The following RPTOR variants were observed in gnomAD, a reference collection of about 807,000 sequenced individuals.
RPTOR encodes regulatory-associated protein of mTOR.
In RPTOR, 21 loss-of-function variants were observed where a neutral mutation model predicts 169.9. The ratio of observed to expected loss-of-function variants is 0.12; its 90% CI spans 0.09 to 0.18. The LOEUF (loss-of-function observed/expected upper bound fraction) is 0.18. Among genes scored for constraint, RPTOR ranks in the 10% least tolerant of loss-of-function variants. The probability of loss-of-function intolerance (pLI) is 1.00; values close to 1 mark genes in which losing one functional copy is unlikely to be tolerated. For synonymous variants in RPTOR, 732 were observed against 753.2 expected (o/e 0.97, Z 0.46); for missense variants, 1,133 against 1,855.9 (o/e 0.61, Z 7.16).
At chr17:80,890,945 C>T (rs2068314961) in intron 17 of RPTOR, among the ~76,000 whole-genome samples, 1 of 151,860 alleles carries the variant, frequency 6.6e-6, no homozygotes, top group Non-Finnish European at 1.5e-5. Flanking sequence ...GGTCCTCTCA[C>T]AGCGCTTGGC....
intron 24 of RPTOR, among the ~76,000 whole-genome samples, chr17:80,938,335 G>C (rs1306583056): frequency 6.6e-6 from 1 of 152,180 alleles, no homozygotes; most frequent in Non-Finnish European, 1.5e-5. Context: ...CAAGGAGCTG[G>C]AATTCCCATC....
chr17:80,710,622 C>T (rs2066181707), intron 4 of RPTOR, among the ~76,000 whole-genome samples: 2 of 145,414 alleles, frequency 1.4e-5, no homozygotes, highest in South Asian at 4.3e-4. Flanking sequence ...TTAAAGTGGT[C>T]ACAGTACTTT....
At chr17:80,854,621 T>C (rs1313601088) in intron 11 of RPTOR, among the ~76,000 whole-genome samples, 2 of 152,236 alleles carry the variant, frequency 1.3e-5, no homozygotes, top group Non-Finnish European at 2.9e-5. Context: ...TGGCCAGGCA[T>C]GATGGCCCAC....
At chr17:80,607,599 TTATA>T (rs34087784) in intron 1 of RPTOR, among the ~76,000 whole-genome samples, 104,575 of 147,002 alleles carry the variant, frequency 0.71, 37,554 homozygotes, top group African/African-American at 0.76. Context: ...TATATGCCAT[TTATA>T]TATATATATA....
chr17:80,554,791 A>C (rs917081941), intron 1 of RPTOR, among the ~76,000 whole-genome samples: 1 of 151,948 alleles, frequency 6.6e-6, no homozygotes, highest in Admixed American at 6.6e-5. Context: ...CAACAAAAAA[A>C]ATGAGAATCC....
intron 5 of RPTOR, among the ~76,000 whole-genome samples, chr17:80,738,038 C>T (rs1025077320): frequency 3.3e-5 from 5 of 152,160 alleles, no homozygotes; most frequent in African/African-American, 9.7e-5. Context: ...CAGGGCTGGC[C>T]CTTGGAGTGG....
intron 6 of RPTOR, among the ~76,000 whole-genome samples, chr17:80,775,158 G>A (rs1366989564): frequency 6.6e-6 from 1 of 152,212 alleles, no homozygotes; most frequent in Non-Finnish European, 1.5e-5. Flanking sequence ...TGGAGAAGAT[G>A]GGAAAGCCTT....
intron 1 of RPTOR, among the ~76,000 whole-genome samples, chr17:80,600,914 A>G (rs1474526242): frequency 1.3e-5 from 1 of 77,380 alleles, no homozygotes; most frequent in East Asian, 3.6e-4. Context: ...TGACCGCAGC[A>G]GCGTCTCCCG....
At chr17:80,573,725 A>T (rs1008729546) in intron 1 of RPTOR, among the ~76,000 whole-genome samples, 1 of 152,142 alleles carries the variant, frequency 6.6e-6, no homozygotes, top group Admixed American at 6.6e-5. Flanking sequence ...GGATGCAGTT[A>T]TGTAAGGGGT....
rs1428864874 is a variant in RPTOR at position 80,645,366 on chromosome 17, C to A, written c.348+1556C>A. ...TTGTACCTTTGCGTTTTACTAGATA[C>A]CTTTGTTTAAAAAAGAATGTAACCC... On this transcript the variant is annotated intron_variant, in intron 3 of 33. Transcript: ENST00000306801. Among the ~76,000 whole-genome samples the A allele has an allele frequency of 2.0e-5, 3 of 152,144 alleles. 1 individual carries two copies. Among genetic ancestry groups the A allele is most frequent in the Admixed American group, 6.6e-5 (1 of 15,266 alleles).
intron 9 of RPTOR, among the ~76,000 whole-genome samples, chr17:80,832,937 A>G (rs1409031061): frequency 6.6e-6 from 1 of 152,226 alleles, no homozygotes; most frequent in Non-Finnish European, 1.5e-5. Flanking sequence ...ACATGAAGTC[A>G]TCTGCATTTA....
chr17:80,713,437 C>T (rs2066213231), intron 4 of RPTOR, among the ~76,000 whole-genome samples: 1 of 152,128 alleles, frequency 6.6e-6, no homozygotes, highest in South Asian at 2.1e-4. Flanking sequence ...TGGATGTTCG[C>T]TTTTTGACGA....
chr17:80,943,067 T>C (rs749023360), intron 25 of RPTOR, among the ~76,000 whole-genome samples: 2 of 152,234 alleles, frequency 1.3e-5, no homozygotes, highest in Non-Finnish European at 2.9e-5. Flanking sequence ...GGGTGTTTGC[T>C]GGGGACTGAC....
At chr17:80,764,269 G>A (rs572175104) in intron 6 of RPTOR, among the ~76,000 whole-genome samples, 16 of 148,864 alleles carry the variant, frequency 1.1e-4, no homozygotes, top group African/African-American at 2.7e-4. Context: ...CCATTAACTC[G>A]TCATTTAGCA....
intron 1 of RPTOR, among the ~76,000 whole-genome samples, chr17:80,592,485 T>C (rs2065114615): frequency 6.6e-6 from 1 of 152,084 alleles, no homozygotes. Context: ...TCTGGATTTG[T>C]GTGCATCTGG....
intron 7 of RPTOR, chr17:80,805,633 G>A (rs935164239): frequency 3.3e-5 from 5 of 152,248 alleles, no homozygotes; most frequent in Middle Eastern, 3.4e-3. Flanking sequence ...AAATAAACAT[G>A]GGCTCAGATG....
At chr17:80,672,738 C>T (rs1009304781) in intron 3 of RPTOR, among the ~76,000 whole-genome samples, 5 of 151,806 alleles carry the variant, frequency 3.3e-5, no homozygotes, top group African/African-American at 9.7e-5. Context: ...TTCAGTGAGC[C>T]GAGATCGCGT....
intron 20 of RPTOR, among the ~76,000 whole-genome samples, chr17:80,901,342 C>G (rs1189828296): frequency 6.6e-6 from 1 of 152,110 alleles, no homozygotes; most frequent in African/African-American, 2.4e-5. Flanking sequence ...GCTGGACTCC[C>G]CATTCCACCA....
intron 7 of RPTOR, among the ~76,000 whole-genome samples, chr17:80,809,553 G>C (rs895940299): frequency 6.6e-6 from 1 of 152,176 alleles, no homozygotes; most frequent in African/African-American, 2.4e-5. Context: ...AATGATGACA[G>C]AGCAGCTTTT....
Sources: gnomAD v4.1 joint callset for allele counts (sites outside exome capture counted in the v4.1 genomes callset) on GRCh38, gnomAD v4.1.1 for gene constraint, MANE v1.5 for transcripts, NCBI Gene and HGNC (gene_info 2026-07-23, HGNC 2026-07-21) for gene names.